G3BP1: variants seen among roughly 807,000 people sequenced by gnomAD.
G3BP1 encodes the protein ras GTPase-activating protein-binding protein 1.
A neutral mutation model predicts 58.6 loss-of-function variants in G3BP1; 35 were observed. The observed-to-expected ratio is 0.60, with a 90% confidence interval of 0.46 to 0.79. G3BP1 has a LOEUF of 0.79. G3BP1 is among the 30% of genes least tolerant of loss of function. The probability of loss-of-function intolerance (pLI) is 0.00; values close to 1 mark genes in which losing one functional copy is unlikely to be tolerated. For missense variants in G3BP1, 523 were observed against 580.8 expected, an observed-to-expected ratio of 0.90 and a Z score of 1.02; for synonymous variants, 191 against 195.4, an observed-to-expected ratio of 0.98 and a Z score of 0.19.
In G3BP1 at chr5:151,788,617, AT is replaced by A. The variant is rs1395770193; in HGVS notation, c.96-1703del. Among the ~76,000 whole-genome samples the A allele has an allele frequency of 5.5e-4, 37 of 66,966 alleles. 1 individual carries two copies. The highest frequency in any genetic ancestry group is 1.4e-3 in the African/African-American group (29 of 20,614). 43.9% of individuals were successfully genotyped at this position (66,966 alleles called of 152,430 possible). On this transcript the variant is annotated intron_variant, in intron 2 of 11. Transcript: ENST00000356245. ...GTGTGTGTGTGTGTGTGTGTGTATTATTTATTTATTTATTTTTAGTAGGTGG... is the reference window on the plus strand; with the variant it reads ...GTGTGTGTGTGTGTGTGTGTGTATTATTATTTATTTATTTTTAGTAGGTGG...
At position 151,810,595 on chromosome 5, in the gene G3BP1, T is replaced by C. The variant is rs1763005737; in HGVS notation, c.*6504T>C. The C allele has an allele frequency of 6.6e-6, 1 of 152,224 alleles. No homozygotes were observed. Among genetic ancestry groups the C allele is most frequent in the African/African-American group, 2.4e-5 (1 of 41,464 alleles). The allele number at this position is 152,224 out of a possible 1,614,324, so 9.4% of individuals were successfully genotyped here. On this transcript the variant is annotated 3_prime_UTR_variant, in exon 12 of 12. Transcript: ENST00000356245. ...AGAATTAGAATTACATTATCTGTTT[T>C]ACTACTTTACTAGACTGTAAGCTCC...
chr5:151,803,157 G>C (rs1030486521), intron 11 of G3BP1, among the ~76,000 whole-genome samples: 2 of 152,176 alleles, frequency 1.3e-5, no homozygotes, highest in African/African-American at 2.4e-5. Flanking sequence ...GCAAATTAAA[G>C]TTTATGTCAA....
At position 151,804,396 on chromosome 5, in the gene G3BP1, T is replaced by C. The variant is rs866018268; in HGVS notation, c.*305T>C. 22 of 254,636 alleles carry C rather than the reference T, an allele frequency of 8.6e-5. No individual in the cohort carries two copies. The Middle Eastern group carries it at 4.4e-3, about 51-fold the overall frequency. 15.8% of individuals were successfully genotyped at this position (254,636 alleles called of 1,614,324 possible). A position where few individuals can be genotyped will look rare whatever the true frequency, so the allele number is the denominator to read the frequency against. ...CATATACAGACTGGATTTTTTTTTTTTTTTTACAGCCATTTCCCCAAAGGA... is the reference window on the plus strand; with the variant it reads ...CATATACAGACTGGATTTTTTTTTTCTTTTTACAGCCATTTCCCCAAAGGA... On this transcript the variant is annotated 3_prime_UTR_variant, in exon 12 of 12. Transcript: ENST00000356245.
At chr5:151,799,109 A>G (rs953700409) in intron 7 of G3BP1, 103 bp from the exon 8 acceptor site, 1 of 699,318 alleles carries the variant, frequency 1.4e-6, no homozygotes, top group African/African-American at 1.8e-5. Flanking sequence ...CCTGCCTATG[A>G]GAATGTGTTA....
At chr5:151,797,006 T>A (rs771731729) in intron 6 of G3BP1, among the ~76,000 whole-genome samples, 2 of 152,168 alleles carry the variant, frequency 1.3e-5, no homozygotes, top group Admixed American at 6.5e-5. Flanking sequence ...CTGATTCATT[T>A]GCTTATCAGA....
intron 7 of G3BP1, among the ~76,000 whole-genome samples, chr5:151,797,927 T>C (rs548848091): frequency 3.9e-5 from 6 of 152,344 alleles, no homozygotes; most frequent in African/African-American, 1.4e-4. Flanking sequence ...AGTTTGTCCT[T>C]CTGAGTCTCG....
rs530805401 is a variant in G3BP1 at position 151,796,073 on chromosome 5, A to G, written c.539+498A>G. On this transcript the variant is annotated intron_variant, in intron 6 of 11. Coordinates refer to ENST00000356245, the MANE Select transcript of G3BP1 (RefSeq NM_005754.3). ...GAACAGAAATGTGTTTGATAGCAATAGAAATCCATATTTACTTGTTACCAT... is the reference window on the plus strand; with the variant it reads ...GAACAGAAATGTGTTTGATAGCAATGGAAATCCATATTTACTTGTTACCAT... 7.2e-5 allele frequency among the ~76,000 whole-genome samples: 11 copies of G among 152,318 alleles called. No individual in the cohort carries two copies. The South Asian group carries it at 2.1e-3, about 29-fold the overall frequency.
Position 151,812,422 on chromosome 5 carries a change from T to TA in G3BP1, c.*8333dup, listed in dbSNP as rs1763030218. 1 of 152,206 alleles carries TA rather than the reference T, an allele frequency of 6.6e-6. No individual in the cohort carries two copies. Among genetic ancestry groups the TA allele is most frequent in the Non-Finnish European group, 1.5e-5 (1 of 68,026 alleles). The allele number at this position is 152,206 out of a possible 1,614,324, so 9.4% of individuals were successfully genotyped here. A position where few individuals can be genotyped will look rare whatever the true frequency, so the allele number is the denominator to read the frequency against. Reference sequence around the variant, plus strand: ...AGGAAATGTAAAATTATTTGCAGAATAATAACCTGGGATTTGCTCTTCTGC... The same window carrying TA: ...AGGAAATGTAAAATTATTTGCAGAATAAATAACCTGGGATTTGCTCTTCTGC... On this transcript the variant is annotated 3_prime_UTR_variant, in exon 12 of 12. Transcript: ENST00000356245.
At chr5:151,792,797 C>T (rs1292403806) in intron 4 of G3BP1, among the ~76,000 whole-genome samples, 5 of 152,048 alleles carry the variant, frequency 3.3e-5, no homozygotes, top group Admixed American at 1.3e-4. Flanking sequence ...TGTGGAGACT[C>T]ACTCTACAAA....
At chr5:151,775,439 G>A (rs181423371) in intron 1 of G3BP1, among the ~76,000 whole-genome samples, 1 of 152,370 alleles carries the variant, frequency 6.6e-6, no homozygotes, top group African/African-American at 2.4e-5. Flanking sequence ...AAACCGAATT[G>A]TCAAAACTAT....
At position 151,779,834 on chromosome 5, in the gene G3BP1, A is replaced by G. The variant is rs79078883; in HGVS notation, c.-49-6738A>G. 9.4e-3 allele frequency among the ~76,000 whole-genome samples: 1,439 copies of G among 152,336 alleles called. 20 individuals are homozygous for G. The highest frequency in any genetic ancestry group is 0.031 in the African/African-American group (1,291 of 41,572). ...CCTAATGTGAATAAACCACAACTTA[A>G]TATCCATTCCTTATTTGATGGACAT... On this transcript the variant is annotated intron_variant, in intron 1 of 11. Transcript: ENST00000356245.
At chr5:151,794,666 C>A (rs1296715445) in intron 5 of G3BP1, among the ~76,000 whole-genome samples, 4 of 152,296 alleles carry the variant, frequency 2.6e-5, no homozygotes, top group Middle Eastern at 6.8e-3. Flanking sequence ...GGGAGATACT[C>A]TTTCAAAGCT....
chr5:151,790,128 AAAT>A (rs200291653), intron 2 of G3BP1, among the ~76,000 whole-genome samples, 192 bp from the exon 3 acceptor site: 1 of 151,684 alleles, frequency 6.6e-6, no homozygotes. Context: ...AAAAAAAAAA[AAAT>A]GTGCACATCA....
intron 1 of G3BP1, among the ~76,000 whole-genome samples, chr5:151,776,854 A>G (rs1762379784): frequency 1.3e-5 from 2 of 149,362 alleles, no homozygotes; most frequent in Admixed American, 1.3e-4. Context: ...GGTGTGAGCC[A>G]CTGTGCTGGC....
intron 4 of G3BP1, chr5:151,792,304 T>A (rs1762673210): frequency 4.3e-6 from 1 of 232,402 alleles, no homozygotes; most frequent in African/African-American, 2.3e-5. Flanking sequence ...GTTTTCTTTT[T>A]AGGATAGCAA....
At chr5:151,787,824 A>T (rs1172411360) in intron 2 of G3BP1, 1 of 203,254 alleles carries the variant, frequency 4.9e-6, no homozygotes, top group African/African-American at 3.5e-5. Flanking sequence ...AATGTATTCA[A>T]TATGAATATT....
rs148810826 is a variant in G3BP1 at position 151,777,206 on chromosome 5, G to T, written c.-50+5170G>T. Among the ~76,000 whole-genome samples the T allele has an allele frequency of 1.4e-4, 21 of 152,246 alleles. No homozygotes were observed. In the East Asian group the frequency reaches 3.9e-3, roughly 28 times the overall value. On this transcript the variant is annotated intron_variant, in intron 1 of 11. Coordinates refer to ENST00000356245, the MANE Select transcript of G3BP1 (RefSeq NM_005754.3). ...TCATGTTACTCCAGTTCTGGGAAAA[G>T]ATTTTGTTTCTAAATTCCCACGATT...
In G3BP1 at chr5:151,795,476, T is replaced by TA; in HGVS notation, c.443-2dup. The TA allele has an allele frequency of 6.7e-7, 1 of 1,482,764 alleles. No individual in the cohort carries two copies. Among genetic ancestry groups the TA allele is most frequent in the Non-Finnish European group, 9.4e-7 (1 of 1,063,952 alleles). 91.9% of individuals were successfully genotyped at this position (1,482,764 alleles called of 1,614,324 possible). ...TTACTTTAAATATCTTTTTCTCACT[T>TA]AGAGTCTGAAGAAGAAGTAGAGGAA... On this transcript the variant is annotated splice_polypyrimidine_tract_variant and splice_region_variant and intron_variant, in intron 5 of 11. Transcript: ENST00000356245.
chr5:151,803,427 ACT>A (rs1003903188), intron 11 of G3BP1, among the ~76,000 whole-genome samples: 1 of 151,894 alleles, frequency 6.6e-6, no homozygotes, highest in Non-Finnish European at 1.5e-5. Flanking sequence ...GACGAGTGAA[ACT>A]CTGTCTCATT....
Sources: allele counts gnomAD v4.1 joint callset (sites outside exome capture counted in the v4.1 genomes callset), GRCh38; gene constraint gnomAD v4.1.1; transcripts MANE v1.5; gene names NCBI Gene and HGNC (gene_info 2026-07-23, HGNC 2026-07-21).